The following DCK variants were observed in gnomAD, a reference collection of about 807,000 sequenced individuals.
DCK encodes the protein deoxyadenosine kinase.
A neutral mutation model predicts 38.3 loss-of-function variants in DCK; 23 were observed. That is an observed-to-expected ratio of 0.60 (90% CI 0.43 to 0.85). The LOEUF is 0.85. DCK is among the 40% of genes least tolerant of loss of function. The probability of loss-of-function intolerance (pLI) is 0.00; values close to 1 mark genes in which losing one functional copy is unlikely to be tolerated. For missense variants in DCK, 259 were observed against 304.4 expected (o/e 0.85, Z 1.11); for synonymous variants, 108 against 100.6 (o/e 1.07, Z -0.44).
intron 2 of DCK, among the ~76,000 whole-genome samples, chr4:71,005,746 C>T (rs1739924671): frequency 6.6e-6 from 1 of 151,962 alleles, no homozygotes; most frequent in South Asian, 2.1e-4. Context: ...AGGTGATCCG[C>T]CTGCCTCAGC....
intron 2 of DCK, among the ~76,000 whole-genome samples, chr4:71,001,115 G>A (rs768116901): frequency 6.7e-6 from 1 of 149,622 alleles, no homozygotes; most frequent in Non-Finnish European, 1.5e-5. Flanking sequence ...GAATGGTATC[G>A]GCTGTGGGTT....
At chr4:71,005,170 T>C (rs573033542) in intron 2 of DCK, among the ~76,000 whole-genome samples, 208 of 152,252 alleles carry the variant, frequency 1.4e-3, no homozygotes, top group African/African-American at 3.8e-3. Context: ...AAGCCTAGTA[T>C]CTGGGCTGGA....
chr4:70,994,436 C>T (rs1739612743), intron 1 of DCK, among the ~76,000 whole-genome samples: 1 of 152,202 alleles, frequency 6.6e-6, no homozygotes, highest in Non-Finnish European at 1.5e-5. Context: ...TCTATCCCTG[C>T]AAGTGTTGCC....
At chr4:70,999,356 T>C (rs1739732181) in intron 2 of DCK, among the ~76,000 whole-genome samples, 1 of 152,252 alleles carries the variant, frequency 6.6e-6, no homozygotes, top group Non-Finnish European at 1.5e-5. Context: ...GAACTCATTC[T>C]TTTATTATGG....
chr4:71,014,280 A>T (rs545654131), intron 2 of DCK, among the ~76,000 whole-genome samples: 13 of 152,310 alleles, frequency 8.5e-5, no homozygotes, highest in African/African-American at 3.1e-4. Context: ...AAGTCCTTAG[A>T]GACCTACAAA....
intron 2 of DCK, among the ~76,000 whole-genome samples, chr4:71,006,100 CA>C (rs1341554941): frequency 7.1e-3 from 145 of 20,494 alleles, no homozygotes; most frequent in Middle Eastern, 0.042. Flanking sequence ...CACTCCATCT[CA>C]AAAAAAAAAA....
intron 2 of DCK, among the ~76,000 whole-genome samples, chr4:71,011,004 T>G (rs543070456): frequency 6.6e-6 from 1 of 151,714 alleles, no homozygotes; most frequent in South Asian, 2.1e-4. Flanking sequence ...TGGTGTGATG[T>G]TGGCTCACTG....
chr4:71,026,312 T>C lies in DCK; in HGVS notation c.666-353T>C, dbSNP rs146393042. Among the ~76,000 whole-genome samples, 6 of 152,230 alleles carry C rather than the reference T, an allele frequency of 3.9e-5. No individual in the cohort carries two copies. The East Asian group carries it at 1.2e-3, about 29-fold the overall frequency. On this transcript the variant is annotated intron_variant, in intron 5 of 6. Coordinates refer to ENST00000286648, the MANE Select transcript of DCK (RefSeq NM_000788.3). ...GTCAGATCTTGGCTCAAGTCCAGTC[T>C]TACTGGTGTGTGACCTTGGATAGCC... is the stretch of plus-strand genomic sequence containing the variant.
At chr4:71,028,693 T>G (rs1457874002) in intron 6 of DCK, 1 of 444,924 alleles carries the variant, frequency 2.2e-6, no homozygotes, top group Non-Finnish European at 4.5e-6. Flanking sequence ...CCTCCCAGGT[T>G]CAACCAGTTC....
At chr4:71,014,446 C>T (rs1740199805) in intron 2 of DCK, among the ~76,000 whole-genome samples, 1 of 152,184 alleles carries the variant, frequency 6.6e-6, no homozygotes, top group Admixed American at 6.5e-5. Context: ...AACTCTCCAC[C>T]CCAAATCAAC....
At position 70,998,078 on chromosome 4, in the gene DCK, T is replaced by A; in HGVS notation, c.103T>A (p.Ser35Thr). 1.6e-5 allele frequency: 26 copies of A among 1,576,350 alleles called. No homozygotes were observed. The highest frequency in any genetic ancestry group is 2.2e-5 in the Non-Finnish European group (25 of 1,155,058). Residue 35 changes from serine (S) to threonine (T), a missense_variant, in exon 2 of 7, where the codon TCA (serine) becomes ACA (threonine). Physicochemically the swap from Ser to Thr is moderately conservative, Grantham distance 58 (BLOSUM62 1). Coordinates refer to ENST00000286648, the MANE Select transcript of DCK (RefSeq NM_000788.3). The stretch of plus-strand genomic sequence containing the variant: ...TTTCCTCACAACAGCTGCAGGGAAG[T>A]CAACATTTGTGAATATCCTTAAACA... ...SIEGNIAAGK[S>T]TFVNILKQLC...
chr4:71,006,507 G>C (rs1739946214), intron 2 of DCK, among the ~76,000 whole-genome samples: 1 of 151,898 alleles, frequency 6.6e-6, no homozygotes, highest in Admixed American at 6.6e-5. Flanking sequence ...AGTTTATTAG[G>C]AAAGTAAAGC....
intron 2 of DCK, among the ~76,000 whole-genome samples, chr4:71,007,661 A>G (rs73827069): frequency 4.3e-4 from 66 of 152,336 alleles, no homozygotes; most frequent in African/African-American, 1.5e-3. Context: ...AAATTTGTCC[A>G]TATTATATGC....
intron 2 of DCK, among the ~76,000 whole-genome samples, chr4:71,001,481 A>G (rs1426933643): frequency 6.6e-6 from 1 of 151,948 alleles, no homozygotes; most frequent in Non-Finnish European, 1.5e-5. Flanking sequence ...AGGTTTTTGT[A>G]TTAGGGTGAT....
At chr4:71,011,414 A>G (rs147934878) in intron 2 of DCK, among the ~76,000 whole-genome samples, 1 of 151,990 alleles carries the variant, frequency 6.6e-6, no homozygotes, top group Non-Finnish European at 1.5e-5. Context: ...CTGGAGTGCA[A>G]TGGTGAACCT....
intron 1 of DCK, among the ~76,000 whole-genome samples, chr4:70,995,905 G>C (rs1412951825): frequency 6.6e-6 from 1 of 151,666 alleles, no homozygotes; most frequent in Non-Finnish European, 1.5e-5. Flanking sequence ...ATATTGGCCT[G>C]CACAGGTTGA....
intron 4 of DCK, 41 bp downstream of exon 4, chr4:71,023,747 A>G: frequency 6.3e-7 from 1 of 1,582,474 alleles, no homozygotes; most frequent in Non-Finnish European, 8.6e-7. Flanking sequence ...AAATTTAAAG[A>G]AATATTTAGA....
intron 1 of DCK, among the ~76,000 whole-genome samples, chr4:70,996,570 A>G (rs1739666254): frequency 6.6e-6 from 1 of 152,122 alleles, no homozygotes; most frequent in Admixed American, 6.5e-5. Context: ...GTTACTGTTC[A>G]TTATTGGTCT....
rs373177942 is a variant in DCK, at chr4:71,026,997, T to TA, written c.756+245dup. On this transcript the variant is annotated intron_variant, in intron 6 of 6. Coordinates refer to ENST00000286648, the MANE Select transcript of DCK (RefSeq NM_000788.3). ...TGACAGATCTTAGAAAAAAATTAAA[T>TA]AAATAAAAATAAAATAAGGATTTTT... Among the ~76,000 whole-genome samples the TA allele has an allele frequency of 3.6e-3, 548 of 151,994 alleles. 5 individuals carry two copies. The highest frequency in any genetic ancestry group is 0.013 in the African/African-American group (530 of 41,512).
Sources: allele counts gnomAD v4.1 joint callset (sites outside exome capture counted in the v4.1 genomes callset), GRCh38; gene constraint gnomAD v4.1.1; transcripts MANE v1.5; gene names NCBI Gene and HGNC (gene_info 2026-07-23, HGNC 2026-07-21).